NBPF14: variants seen among roughly 807,000 people sequenced by gnomAD.
NBPF14 encodes the protein NBPF member 14, also known as NBPF family member NBPF14.
A neutral mutation model predicts 91.2 loss-of-function variants in NBPF14; 104 were observed. That is an observed-to-expected ratio of 1.14 (90% CI 0.97 to 1.34). NBPF14 has a LOEUF of 1.34. Ranked by LOEUF, NBPF14 falls within the 40% of genes most tolerant of loss-of-function variation. The pLI is 0.00. For missense variants in NBPF14, 908 were observed against 783.0 expected (o/e 1.16, Z -1.91); for synonymous variants, 294 against 303.8 (o/e 0.97, Z 0.34).
intron 6 of NBPF14, among the ~76,000 whole-genome samples, chr1:148,590,185 G>T (rs61801867): frequency 7.0e-6 from 1 of 142,162 alleles, no homozygotes; most frequent in African/African-American, 2.5e-5. Flanking sequence ...GAGTAGCTGG[G>T]ACTACAGGCG....
chr1:148,571,274 C>CAG (rs1217747589), intron 22 of NBPF14, among the ~76,000 whole-genome samples: 73 of 58,234 alleles, frequency 1.3e-3, no homozygotes, highest in African/African-American at 3.0e-3. Flanking sequence ...CACACACACA[C>CAG]AGAGAGAGAG....
At chr1:148,566,602 G>A (rs1658454714) in intron 28 of NBPF14, among the ~76,000 whole-genome samples, 2 of 141,492 alleles carry the variant, frequency 1.4e-5, no homozygotes, top group South Asian at 4.6e-4. Context: ...CACTGATGAG[G>A]GAGTAACAGG....
At chr1:148,557,760 T>C (rs1187411591) in intron 39 of NBPF14, among the ~76,000 whole-genome samples, 1 of 124,288 alleles carries the variant, frequency 8.0e-6, no homozygotes, top group Non-Finnish European at 1.6e-5. Flanking sequence ...TAGATCGTTA[T>C]CCCAAAATCA....
chr1:148,587,363 C>A, exon 8 of NBPF14: 1 of 1,583,042 alleles, frequency 6.3e-7, no homozygotes, highest in Non-Finnish European at 8.6e-7. Flanking sequence ...GTCGCTCATT[C>A]CTCAGCATAA....
At chr1:148,577,616 T>C (rs1660124989) in intron 14 of NBPF14, among the ~76,000 whole-genome samples, 1 of 148,792 alleles carries the variant, frequency 6.7e-6, no homozygotes, top group African/African-American at 2.6e-5. Context: ...ATTGGTCAGG[T>C]GACACACTGA....
In NBPF14 at chr1:148,590,302, C is replaced by A. The variant is rs1180353066; in HGVS notation, c.778+455G>T. 8.6e-4 allele frequency among the ~76,000 whole-genome samples: 124 copies of A among 143,448 alleles called. 9 individuals are homozygous for A. Among genetic ancestry groups the A allele is most frequent in the African/African-American group, 7.1e-4 (28 of 39,518 alleles). The allele number at this position is 143,448 out of a possible 152,430, so 94.1% of individuals were successfully genotyped here. ...TCAATCTCCTGACCTCATGATCCAC[C>A]CGCCTCGGCCTCCCAAAGTGCTCGG... is the stretch of plus-strand genomic sequence containing the variant. On this transcript the variant is annotated intron_variant, in intron 6 of 70. Transcript: ENST00000619423.
In NBPF14 at chr1:148,566,265, G is replaced by A. The variant is rs1658237984; in HGVS notation, c.3593C>T (p.Ser1198Leu). Residue 1198 changes from serine (S) to leucine (L), a missense_variant, in exon 29 of 71, where the codon TCA becomes TTA. Physicochemically the swap from Ser to Leu is moderately radical, Grantham distance 145. Coordinates refer to ENST00000619423, the Ensembl canonical transcript of NBPF14. ...AGGAGTTGAATAACATCTATCCAGTGAGTCCTGCAAGACTTCAGGCTCTAC... is the reference window on the plus strand; with the variant it reads ...AGGAGTTGAATAACATCTATCCAGTAAGTCCTGCAAGACTTCAGGCTCTAC... 1.1e-5 allele frequency: 7 copies of A among 648,418 alleles called. 1 individual carries two copies. The highest frequency in any genetic ancestry group is 7.1e-5 in the African/African-American group (3 of 42,160). 40.2% of individuals were successfully genotyped at this position (648,418 alleles called of 1,614,324 possible). A position where few individuals can be genotyped will look rare whatever the true frequency, so the allele number is the denominator to read the frequency against.
chr1:148,592,698 C>T, exon 4 of NBPF14: 1 of 1,588,328 alleles, frequency 6.3e-7, no homozygotes, highest in South Asian at 1.1e-5. Context: ...GGCATCTCTC[C>T]CTTCCCGTAA....
intron 63 of NBPF14, 87 bp downstream of exon 63, chr1:148,539,323 G>T: frequency 1.7e-6 from 1 of 588,648 alleles, no homozygotes. Flanking sequence ...ACGTCTCTCG[G>T]GTCAGTAAGG....
intron 69 of NBPF14, 53 bp downstream of exon 69, chr1:148,534,631 C>A (rs1226979222): frequency 7.8e-6 from 7 of 892,410 alleles, no homozygotes; most frequent in Non-Finnish European, 1.3e-5. Flanking sequence ...GGAATATCAC[C>A]CCTATCTGGA....
intron 9 of NBPF14, among the ~76,000 whole-genome samples, chr1:148,585,712 C>A (rs1661408402): frequency 1.3e-5 from 2 of 148,736 alleles, no homozygotes; most frequent in Non-Finnish European, 3.0e-5. Flanking sequence ...GCACTTCCTA[C>A]CACAAAACGC....
At chr1:148,533,884 T>A (rs1654311689) in exon 70 of NBPF14, 5 of 760,752 alleles carry the variant, frequency 6.6e-6, no homozygotes, top group East Asian at 2.4e-5. Context: ...GGTTTTGATC[T>A]TCTTCCCCTT....
intron 69 of NBPF14, 76 bp downstream of exon 69, chr1:148,534,608 G>C: frequency 3.3e-6 from 3 of 907,012 alleles, no homozygotes; most frequent in Non-Finnish European, 5.6e-6. Context: ...GTGAGTAAGG[G>C]CCACTTGGAA....
At chr1:148,577,443 G>T in intron 14 of NBPF14, 88 bp from the exon 15 acceptor site, 1 of 668,594 alleles carries the variant, frequency 1.5e-6, no homozygotes, top group Non-Finnish European at 2.7e-6. Flanking sequence ...ACGTAAGGAA[G>T]AGTTTGAAAA....
chr1:148,534,652 G>A (rs1392905169), intron 69 of NBPF14, 32 bp downstream of exon 69: 5 of 856,040 alleles, frequency 5.8e-6, no homozygotes, highest in Admixed American at 3.4e-5. Flanking sequence ...AGACCAGGTG[G>A]AGGCTTATCA....
At chr1:148,580,811 C>T (rs1205357189) in intron 12 of NBPF14, among the ~76,000 whole-genome samples, 4 of 95,954 alleles carry the variant, frequency 4.2e-5, no homozygotes, top group Admixed American at 1.1e-4. Context: ...TTTTTTTTTT[C>T]CATATGTATA....
intron 69 of NBPF14, among the ~76,000 whole-genome samples, chr1:148,534,239 T>C (rs1314150606): frequency 6.6e-6 from 1 of 151,534 alleles, no homozygotes; most frequent in African/African-American, 2.4e-5. Flanking sequence ...ACGCCATATT[T>C]TTCCAATCAA....
chr1:148,534,954 A>AT (rs1392850195), intron 68 of NBPF14, 98 bp from the exon 69 acceptor site: 1 of 745,874 alleles, frequency 1.3e-6, no homozygotes, highest in Non-Finnish European at 2.4e-6. Context: ...CAGTTTAAAA[A>AT]GAAAAAGGAC....
Position 148,592,766 on chromosome 1 carries a change from C to A in NBPF14, c.279G>T (p.Arg93Ser), listed in dbSNP as rs1430304585. Residue 93 changes from arginine to serine, a missense_variant and splice_region_variant, in exon 4 of 71, where the codon AGG (arginine) becomes AGT (serine). Transcript: ENST00000619423. ...GAGAGTGAACCAGGACTTTATATTG[C>A]CTAAGGTGAGACGGTAGAGAAAATT... is the stretch of plus-strand genomic sequence containing the variant. The A allele has an allele frequency of 5.7e-6, 9 of 1,577,104 alleles. No individual in the cohort carries two copies. In the African/African-American group the frequency reaches 1.1e-4, roughly 19 times the overall value.
Sources: gnomAD v4.1 joint callset for allele counts (sites outside exome capture counted in the v4.1 genomes callset) on GRCh38, gnomAD v4.1.1 for gene constraint, MANE v1.5 for transcripts, NCBI Gene and HGNC (gene_info 2026-07-23, HGNC 2026-07-21) for gene names.